GRM1: variants seen among roughly 807,000 people sequenced by gnomAD.
GRM1 encodes the protein glutamate metabotropic receptor 1, also known as metabotropic glutamate receptor 1.
In GRM1, 33 loss-of-function variants were observed where a neutral mutation model predicts 90.9. The ratio of observed to expected loss-of-function variants is 0.36; its 90% CI spans 0.28 to 0.49. GRM1 has a LOEUF of 0.49. Among genes scored for constraint, GRM1 ranks in the 20% least tolerant of loss-of-function variants. The pLI is 0.99. For missense variants in GRM1, 1,190 were observed against 1,534.3 expected (o/e 0.78, Z 3.75); for synonymous variants, 700 against 613.2 (o/e 1.14, Z -2.09).
chr6:146,185,423 C>T (rs1256315510), intron 2 of GRM1, among the ~76,000 whole-genome samples: 1 of 152,192 alleles, frequency 6.6e-6, no homozygotes, highest in African/African-American at 2.4e-5. Flanking sequence ...CCTGATTTGG[C>T]TACCTGGGAG....
intron 6 of GRM1, among the ~76,000 whole-genome samples, chr6:146,389,219 G>C (rs1776624194): frequency 6.6e-6 from 1 of 151,968 alleles, no homozygotes; most frequent in South Asian, 2.1e-4. Context: ...CTAGGAAAAA[G>C]CTCAAAGACA....
At chr6:146,379,235 C>G (rs1776225201) in intron 5 of GRM1, among the ~76,000 whole-genome samples, 1 of 151,784 alleles carries the variant, frequency 6.6e-6, no homozygotes, top group South Asian at 2.1e-4. Context: ...AGGCTATTTA[C>G]TAGTTTCTGT....
intron 2 of GRM1, among the ~76,000 whole-genome samples, chr6:146,190,457 G>A (rs374548362): frequency 7.6e-4 from 116 of 152,194 alleles, no homozygotes; most frequent in African/African-American, 2.7e-3. Flanking sequence ...CACTAAAAAT[G>A]AGCTCATGAG....
chr6:146,260,608 C>T (rs1201391964), intron 2 of GRM1, among the ~76,000 whole-genome samples: 1 of 152,030 alleles, frequency 6.6e-6, no homozygotes, highest in Non-Finnish European at 1.5e-5. Context: ...CTAATTTACA[C>T]TCCTACCAAC....
intron 3 of GRM1, among the ~76,000 whole-genome samples, chr6:146,349,915 T>C (rs1223099771): frequency 6.6e-6 from 1 of 152,192 alleles, no homozygotes; most frequent in Non-Finnish European, 1.5e-5. Context: ...TTACCCTTAA[T>C]AACCTCAGAA....
intron 1 of GRM1, among the ~76,000 whole-genome samples, chr6:146,155,136 A>G (rs535676853): frequency 2.0e-5 from 3 of 152,232 alleles, no homozygotes; most frequent in Non-Finnish European, 4.4e-5. Context: ...CGTGGAGATT[A>G]CATTCTAGGG....
chr6:146,182,601 A>C (rs1325732719), intron 2 of GRM1, among the ~76,000 whole-genome samples: 1 of 152,172 alleles, frequency 6.6e-6, no homozygotes, highest in South Asian at 2.1e-4. Flanking sequence ...TTGCCTTAAA[A>C]TGTTATATTA....
At chr6:146,288,659 C>A (rs1782856116) in intron 2 of GRM1, among the ~76,000 whole-genome samples, 1 of 152,078 alleles carries the variant, frequency 6.6e-6, no homozygotes, top group South Asian at 2.1e-4. Context: ...GTGTCAGCCA[C>A]CATGCCCGGC....
At chr6:146,035,698 T>C (rs1790865396) in intron 1 of GRM1, among the ~76,000 whole-genome samples, 2 of 151,978 alleles carry the variant, frequency 1.3e-5, no homozygotes, top group Admixed American at 6.6e-5. Flanking sequence ...GTGGTAATCT[T>C]GGAGCCTGTT....
At chr6:146,176,500 A>G (rs994610618) in intron 2 of GRM1, among the ~76,000 whole-genome samples, 2 of 152,060 alleles carry the variant, frequency 1.3e-5, no homozygotes, top group Admixed American at 1.3e-4. Flanking sequence ...AGATCTTAAC[A>G]TACTAAAATT....
At chr6:146,038,822 C>T (rs1790988812) in intron 1 of GRM1, among the ~76,000 whole-genome samples, 1 of 151,334 alleles carries the variant, frequency 6.6e-6, no homozygotes, top group Non-Finnish European at 1.5e-5. Flanking sequence ...ACAAAAAAAT[C>T]AATAAACAAA....
At chr6:146,401,895 G>C (rs549457355) in intron 7 of GRM1, among the ~76,000 whole-genome samples, 17 of 152,156 alleles carry the variant, frequency 1.1e-4, no homozygotes, top group Admixed American at 4.6e-4. Flanking sequence ...AGATGAGTTG[G>C]AGCTATCTGA....
At chr6:146,357,866 CAG>C (rs1785650286) in intron 5 of GRM1, among the ~76,000 whole-genome samples, 172 bp downstream of exon 5, 1 of 152,158 alleles carries the variant, frequency 6.6e-6, no homozygotes, top group Non-Finnish European at 1.5e-5. Flanking sequence ...GATTAGGAAA[CAG>C]AGTGAGTAAA....
intron 5 of GRM1, among the ~76,000 whole-genome samples, chr6:146,369,803 TTAGA>T (rs1169084980): frequency 2.6e-5 from 4 of 152,018 alleles, no homozygotes; most frequent in African/African-American, 2.4e-5. Context: ...TCTGTAGCAG[TTAGA>T]TAGAGTGTTC....
chr6:146,329,597 T>C lies in GRM1; in HGVS notation c.1187-22653T>C, dbSNP rs555596594. Among the ~76,000 whole-genome samples, 3 of 152,310 alleles carry C rather than the reference T, an allele frequency of 2.0e-5. No homozygotes were observed. The South Asian group carries it at 6.2e-4, about 32-fold the overall frequency. On this transcript the variant is annotated intron_variant, in intron 3 of 7. Coordinates refer to ENST00000282753, the MANE Select transcript of GRM1 (RefSeq NM_001278064.2). ...TCAAACCTTGTTACATTTCTAAACA[T>C]AACTTTGTGTGATTTCCTGCAAATC...
At position 146,399,020 on chromosome 6, in the gene GRM1, C is replaced by T. The variant is rs775988247; in HGVS notation, c.1981C>T (p.Arg661Cys). 9 of 1,614,060 alleles carry T rather than the reference C, an allele frequency of 5.6e-6. No individual in the cohort carries two copies. The East Asian group carries it at 8.9e-5, about 16-fold the overall frequency. ...TACTACCACCTCCTGCTACCTCCAG[C>T]GCCTCTTGGTTGGCCTCTCCTCTGC... ...KPTTTSCYLQRLLVGLSSAMC... is the reference protein window; with the variant it reads ...KPTTTSCYLQCLLVGLSSAMC... The change falls in exon 7 of 8, where the codon CGC becomes TGC. Residue 661 changes from arginine (R) to cysteine (C), a missense_variant. Arg to Cys is a radical substitution (Grantham distance 180). This residue lies in a region of GRM1 where 414 missense variants were observed against 598.4 expected (regional missense o/e 0.69). Transcript: ENST00000282753. This position sits in a 1 kb window ranked among gnomAD's most constrained non-coding sequence, Gnocchi z 5.4.
At chr6:146,314,897 C>T (rs188630691) in intron 3 of GRM1, among the ~76,000 whole-genome samples, 1 of 152,236 alleles carries the variant, frequency 6.6e-6, no homozygotes, top group Admixed American at 6.5e-5. Context: ...TGAACAATTT[C>T]CTGAGTATGT....
intron 1 of GRM1, among the ~76,000 whole-genome samples, chr6:146,074,805 T>C (rs1229118248): frequency 6.6e-6 from 1 of 152,148 alleles, no homozygotes; most frequent in African/African-American, 2.4e-5. Context: ...GCAATGCTTA[T>C]TTACTTTCAC....
Position 146,434,889 on chromosome 6 carries a change from G to T in GRM1, c.*93G>T, listed in dbSNP as rs972871768. On this transcript the variant is annotated 3_prime_UTR_variant, in exon 8 of 8. Transcript: ENST00000282753. ...CAGCTGGGAGGAAAAGCCTGGGAGT[G>T]GGGGGCCTCGTCGGGAGGACAGGAG... The T allele has an allele frequency of 3.6e-6, 4 of 1,119,544 alleles. No homozygotes were observed. The highest frequency in any genetic ancestry group is 1.8e-5 in the Admixed American group (1 of 54,610). 69.4% of individuals were successfully genotyped at this position (1,119,544 alleles called of 1,614,324 possible). A position where few individuals can be genotyped will look rare whatever the true frequency, so the allele number is the denominator to read the frequency against.
Sources: gnomAD v4.1 joint callset for allele counts (sites outside exome capture counted in the v4.1 genomes callset) on GRCh38, gnomAD v4.1.1 for gene constraint, gnomAD v4.1.1 regional missense constraint, Gnocchi (gnomAD v3.1) non-coding constraint, MANE v1.5 for transcripts, NCBI Gene and HGNC (gene_info 2026-07-23, HGNC 2026-07-21) for gene names.